The following ABCA8 variants were observed in gnomAD, a reference collection of about 807,000 sequenced individuals.
The protein encoded by ABCA8 is ABC-type organic anion transporter ABCA8.
In ABCA8, 177 loss-of-function variants were observed where a neutral mutation model predicts 192.3. The observed-to-expected ratio is 0.92, with a 90% CI of 0.81 to 1.04. The LOEUF (loss-of-function observed/expected upper bound fraction) is 1.04. Among genes scored for constraint, ABCA8 ranks in the 50% least tolerant of loss-of-function variants. The pLI is 0.00. For synonymous variants in ABCA8, 642 were observed against 690.2 expected (o/e 0.93, Z 1.09); for missense variants, 1,915 against 1,904.8 (o/e 1.01, Z -0.10).
chr17:68,912,391 C>T (rs536209175), intron 17 of ABCA8, among the ~76,000 whole-genome samples: 63 of 151,980 alleles, frequency 4.1e-4, no homozygotes, highest in African/African-American at 1.4e-3. Context: ...TTTGAAAATA[C>T]TCAGAAGAGA....
intron 7 of ABCA8, among the ~76,000 whole-genome samples, chr17:68,930,742 C>G (rs900774575): frequency 6.6e-6 from 1 of 152,162 alleles, no homozygotes; most frequent in African/African-American, 2.4e-5. Context: ...TTAGATTTCA[C>G]TGCTCTGCTA....
At chr17:68,886,485 T>C (rs1361941937) in intron 26 of ABCA8, among the ~76,000 whole-genome samples, 1 of 152,232 alleles carries the variant, frequency 6.6e-6, no homozygotes, top group Non-Finnish European at 1.5e-5. Context: ...AAATCTCTGC[T>C]TTCATTTTCA....
At chr17:68,877,203 G>A (rs986506375) in intron 33 of ABCA8, 1 of 217,698 alleles carries the variant, frequency 4.6e-6, no homozygotes, top group Non-Finnish European at 8.9e-6. Context: ...TTTTAATTTA[G>A]AGATGAGGTT....
chr17:68,908,538 T>C (rs906583563), intron 17 of ABCA8, among the ~76,000 whole-genome samples: 3 of 152,152 alleles, frequency 2.0e-5, no homozygotes, highest in Non-Finnish European at 2.9e-5. Context: ...TCAATAGTAG[T>C]AAGTGCTATG....
intron 10 of ABCA8, 109 bp from the exon 11 acceptor site, chr17:68,924,978 G>T: frequency 8.9e-7 from 1 of 1,123,096 alleles, no homozygotes; most frequent in Non-Finnish European, 1.3e-6. Flanking sequence ...ACCTGAACAT[G>T]TGGTCAACAG....
chr17:68,872,568 A>G (rs528571579), intron 37 of ABCA8, among the ~76,000 whole-genome samples: 329 of 151,886 alleles, frequency 2.2e-3, no homozygotes, highest in Non-Finnish European at 3.4e-3. Flanking sequence ...CCTAAAACTT[A>G]AAGTATAATT....
chr17:68,934,186 A>G (rs2067989352), intron 5 of ABCA8, among the ~76,000 whole-genome samples: 1 of 152,042 alleles, frequency 6.6e-6, no homozygotes, highest in Non-Finnish European at 1.5e-5. Context: ...GCCTCATTTA[A>G]TTTTTTCTTC....
At chr17:68,918,026 T>A (rs200036074) in intron 16 of ABCA8, 21 bp downstream of exon 16, 5 of 1,613,746 alleles carry the variant, frequency 3.1e-6, no homozygotes, top group Non-Finnish European at 4.2e-6. Flanking sequence ...CTCAGGATAC[T>A]TAACAGAAAC....
At chr17:68,885,343 CA>C (rs1567827731) in intron 26 of ABCA8, 28 bp from the exon 27 acceptor site, 1 of 1,582,098 alleles carries the variant, frequency 6.3e-7, no homozygotes, top group Admixed American at 1.8e-5. Flanking sequence ...GAAGGTTAAT[CA>C]CTCTGAATTT....
chr17:68,912,081 T>A (rs1314638477), intron 17 of ABCA8, among the ~76,000 whole-genome samples: 1 of 151,918 alleles, frequency 6.6e-6, no homozygotes, highest in Non-Finnish European at 1.5e-5. Context: ...GCATCAAGAC[T>A]ATCCAAAAAA....
At position 68,875,608 on chromosome 17, in the gene ABCA8, A is replaced by G; in HGVS notation, c.4490+6T>C. 2 of 1,613,518 alleles carry G rather than the reference A, an allele frequency of 1.2e-6. No individual in the cohort carries two copies. The highest frequency in any genetic ancestry group is 1.7e-6 in the Non-Finnish European group (2 of 1,179,772). ...GCTCAAGTGTGGGTCCAGGACAGGCACTCACCTCAACCTCCCAGATACCAT... is the reference window on the plus strand; with the variant it reads ...GCTCAAGTGTGGGTCCAGGACAGGCGCTCACCTCAACCTCCCAGATACCAT... On this transcript the variant is annotated splice_donor_region_variant and intron_variant, in intron 36 of 39. Transcript: ENST00000586539.
chr17:68,876,826 G>A (rs1224109644), intron 33 of ABCA8, 123 bp from the exon 34 acceptor site: 1 of 1,144,498 alleles, frequency 8.7e-7, no homozygotes, highest in Non-Finnish European at 1.3e-6. Flanking sequence ...GTGGTCGGGG[G>A]GCAGGGAAGG....
At position 68,894,243 on chromosome 17, in the gene ABCA8, A is replaced by G. The variant is rs199624384; in HGVS notation, c.2966T>C (p.Val989Ala). ...LNCFPVLMDI[V>A]SNGLLGMVKP... is the part of the protein sequence containing the mutation. Reference sequence around the variant, plus strand: ...AACCATTCCAAGTAGCCCATTACTAACAATGTCCATAAGAACTGGGAAGCA... The same window carrying G: ...AACCATTCCAAGTAGCCCATTACTAGCAATGTCCATAAGAACTGGGAAGCA... The change falls in exon 23 of 40, where the codon GTT becomes GCT. Residue 989 changes from valine (V) to alanine (A), a missense_variant. Physicochemically the swap from Val to Ala is moderately conservative, Grantham distance 64. Coordinates refer to ENST00000586539, the MANE Select transcript of ABCA8 (RefSeq NM_001288985.2). 2.5e-6 allele frequency: 4 copies of G among 1,613,202 alleles called. No individual in the cohort carries two copies. The East Asian group carries it at 8.9e-5, about 36-fold the overall frequency.
At chr17:68,921,120 T>C (rs1374229065) in intron 13 of ABCA8, among the ~76,000 whole-genome samples, 3 of 152,064 alleles carry the variant, frequency 2.0e-5, no homozygotes, top group Admixed American at 6.5e-5. Flanking sequence ...AAACGCCGCA[T>C]GTTCTCACTC....
At chr17:68,887,549 A>C (rs753134223) in intron 24 of ABCA8, 43 bp from the exon 25 acceptor site, 1 of 1,519,378 alleles carries the variant, frequency 6.6e-7, no homozygotes, top group South Asian at 1.3e-5. Context: ...TGGCTTAAGA[A>C]TATGTGGATT....
At chr17:68,921,534 G>C (rs758576765) in intron 12 of ABCA8, 42 bp from the exon 13 acceptor site, 3 of 1,334,732 alleles carry the variant, frequency 2.2e-6, no homozygotes, top group Non-Finnish European at 3.2e-6. Flanking sequence ...AAGATAAAGG[G>C]ATGGAAAACA....
intron 2 of ABCA8, among the ~76,000 whole-genome samples, chr17:68,942,481 T>C (rs1445792546): frequency 6.6e-6 from 1 of 152,164 alleles, no homozygotes; most frequent in African/African-American, 2.4e-5. Context: ...ACTGAGTAAA[T>C]TGTTTTCTCC....
intron 35 of ABCA8, 96 bp downstream of exon 35, chr17:68,876,364 A>G (rs1008860978): frequency 6.8e-7 from 1 of 1,476,670 alleles, no homozygotes; most frequent in Admixed American, 1.8e-5. Flanking sequence ...TGTTCTCCAC[A>G]AAAGAGTTTA....
At chr17:68,954,562 G>T (rs1228754501) in intron 1 of ABCA8, among the ~76,000 whole-genome samples, 1 of 151,998 alleles carries the variant, frequency 6.6e-6, no homozygotes, top group Non-Finnish European at 1.5e-5. Flanking sequence ...GTAAAATTCA[G>T]AACAACATGT....
Sources: gnomAD v4.1 joint callset for allele counts (sites outside exome capture counted in the v4.1 genomes callset) on GRCh38, gnomAD v4.1.1 for gene constraint, MANE v1.5 for transcripts, NCBI Gene and HGNC (gene_info 2026-07-23, HGNC 2026-07-21) for gene names.